PLCE1: variants seen among roughly 807,000 people sequenced by gnomAD.
PLCE1 encodes 1-phosphatidylinositol 4,5-bisphosphate phosphodiesterase epsilon-1.
Under a neutral mutation model 242.8 loss-of-function variants are expected in PLCE1, and 119 were observed. That is an observed-to-expected ratio of 0.49 (90% CI 0.42 to 0.57). The LOEUF (loss-of-function observed/expected upper bound fraction) is 0.57, where lower values mean the gene tolerates loss of function less well. Ranked by LOEUF, PLCE1 falls within the 20% of genes least tolerant of loss-of-function variation. The pLI is 0.00. For synonymous variants in PLCE1, 945 were observed against 1,017.4 expected (o/e 0.93, Z 1.35); for missense variants, 2,441 against 2,788.8 (o/e 0.88, Z 2.81).
At chr10:94,019,318 G>A (rs1224908800) in intron 1 of PLCE1, among the ~76,000 whole-genome samples, 3 of 152,180 alleles carry the variant, frequency 2.0e-5, no homozygotes, top group African/African-American at 7.2e-5. Context: ...GGATTGAAAT[G>A]CAGCCTGTGG....
intron 3 of PLCE1, among the ~76,000 whole-genome samples, chr10:94,133,184 A>C (rs940256739): frequency 3.3e-5 from 5 of 152,182 alleles, no homozygotes; most frequent in African/African-American, 1.2e-4. Flanking sequence ...CTTCATACAT[A>C]GAATTAATAG....
chr10:94,235,736 G>A, intron 6 of PLCE1, 179 bp from the exon 7 acceptor site: 8 of 983,776 alleles, frequency 8.1e-6, no homozygotes, highest in Non-Finnish European at 9.7e-6. Flanking sequence ...AAACAAGGGT[G>A]AGTTTTGATA....
chr10:94,237,151 G>T (rs773823015), intron 7 of PLCE1, among the ~76,000 whole-genome samples: 3 of 152,150 alleles, frequency 2.0e-5, no homozygotes, highest in Admixed American at 6.6e-5. Flanking sequence ...CCTCATACTG[G>T]ATCTGGCTGA....
chr10:94,011,547 T>C (rs1246544564), intron 1 of PLCE1, among the ~76,000 whole-genome samples: 5 of 152,112 alleles, frequency 3.3e-5, no homozygotes, highest in African/African-American at 1.2e-4. Context: ...CTGGAGGCTA[T>C]GGGGAGGAAT....
At position 94,320,325 on chromosome 10, in the gene PLCE1, G is replaced by GA. The variant is rs1482889487; in HGVS notation, c.6343-1570dup. On this transcript the variant is annotated intron_variant, in intron 29 of 32. Coordinates refer to ENST00000371380, the MANE Select transcript of PLCE1 (RefSeq NM_016341.4). ...AATCAAATGGATTTTTTCACTCATTGAAAAAAGTTAAAATAGATTATATAT... is the reference window on the plus strand; with the variant it reads ...AATCAAATGGATTTTTTCACTCATTGAAAAAAAGTTAAAATAGATTATATAT... 2.6e-5 allele frequency among the ~76,000 whole-genome samples: 4 copies of GA among 151,846 alleles called. No homozygotes were observed. In the East Asian group the frequency reaches 7.7e-4, roughly 29 times the overall value.
chr10:94,252,247 G>C, intron 8 of PLCE1, 69 bp from the exon 9 acceptor site: 1 of 1,411,314 alleles, frequency 7.1e-7, no homozygotes, highest in Non-Finnish European at 1.0e-6. Flanking sequence ...TTTTCTGGGA[G>C]ACATTAATAT....
intron 4 of PLCE1, among the ~76,000 whole-genome samples, chr10:94,218,305 C>T (rs531337892): frequency 6.4e-4 from 97 of 152,198 alleles, no homozygotes; most frequent in African/African-American, 2.2e-3. Context: ...AACCAGATGA[C>T]ATCTTAGTGA....
chr10:94,097,167 GA>G (rs1426198092), intron 2 of PLCE1, among the ~76,000 whole-genome samples: 1 of 152,190 alleles, frequency 6.6e-6, no homozygotes, highest in African/African-American at 2.4e-5. Flanking sequence ...CCTATAAATA[GA>G]GGTTTGTTTA....
chr10:94,062,240 T>A (rs2134977496), intron 2 of PLCE1, among the ~76,000 whole-genome samples: 1 of 152,326 alleles, frequency 6.6e-6, no homozygotes, highest in Non-Finnish European at 1.5e-5. Flanking sequence ...ATCTAACTTC[T>A]TAGTCTTTAT....
At chr10:94,283,619 C>A (rs891432203) in intron 20 of PLCE1, 171 bp from the exon 21 acceptor site, 8 of 628,982 alleles carry the variant, frequency 1.3e-5, no homozygotes, top group Middle Eastern at 4.9e-4. Flanking sequence ...CTGCATCAAC[C>A]CAATTTTTAC....
intron 4 of PLCE1, among the ~76,000 whole-genome samples, chr10:94,199,473 T>A (rs1467054479): frequency 6.6e-6 from 1 of 152,262 alleles, no homozygotes; most frequent in Non-Finnish European, 1.5e-5. Flanking sequence ...AAGTGCTTTG[T>A]GAACCATAAA....
At chr10:94,278,135 A>G (rs987134834) in intron 19 of PLCE1, among the ~76,000 whole-genome samples, 8 of 152,224 alleles carry the variant, frequency 5.3e-5, no homozygotes, top group African/African-American at 1.9e-4. Flanking sequence ...TATTCATTAT[A>G]AAGGTAATAT....
At chr10:94,262,872 T>C in intron 14 of PLCE1, 140 bp downstream of exon 14, 1 of 724,444 alleles carries the variant, frequency 1.4e-6, no homozygotes, top group South Asian at 1.5e-5. Context: ...TTTTTTTTTT[T>C]GTTTTTTTGG....
In PLCE1 at chr10:94,089,158, C is replaced by T. The variant is rs762453979; in HGVS notation, c.1207-43016C>T. 9.9e-6 allele frequency: 16 copies of T among 1,613,848 alleles called. No homozygotes were observed. The East Asian group carries it at 2.2e-4, about 22-fold the overall frequency. On this transcript the variant is annotated intron_variant, in intron 2 of 32. Transcript: ENST00000371380. ...AGGAATGGAAGAGGTGAGGCAGCTCCACGTGAGATTCTGCAAAGGGATTAA... is the reference window on the plus strand; with the variant it reads ...AGGAATGGAAGAGGTGAGGCAGCTCTACGTGAGATTCTGCAAAGGGATTAA...
chr10:94,287,672 G>A lies in PLCE1; in HGVS notation c.5035+2707G>A, dbSNP rs79938679. 2.6e-3 allele frequency among the ~76,000 whole-genome samples: 391 copies of A among 151,842 alleles called. 1 individual carries two copies. The highest frequency in any genetic ancestry group is 4.3e-3 in the Non-Finnish European group (293 of 67,934). On this transcript the variant is annotated intron_variant, in intron 22 of 32. Transcript: ENST00000371380. ...TTTTTTCGACCTGCTTTCTCTTAGG[G>A]TTTATTTCTCGGTTGCATTTAGTAC... is the stretch of plus-strand genomic sequence containing the variant.
intron 2 of PLCE1, among the ~76,000 whole-genome samples, chr10:94,101,286 A>G (rs535897880): frequency 6.6e-6 from 1 of 152,338 alleles, no homozygotes; most frequent in African/African-American, 2.4e-5. Flanking sequence ...AAGTCCTTTC[A>G]GTTCCTCAGC....
intron 1 of PLCE1, among the ~76,000 whole-genome samples, chr10:94,004,749 C>T (rs2061001979): frequency 6.6e-6 from 1 of 152,138 alleles, no homozygotes; most frequent in South Asian, 2.1e-4. Flanking sequence ...TGAGTCACTC[C>T]CCTGTGTCAG....
intron 2 of PLCE1, among the ~76,000 whole-genome samples, chr10:94,035,115 TC>T (rs2061638562): frequency 6.6e-6 from 1 of 152,158 alleles, no homozygotes; most frequent in Non-Finnish European, 1.5e-5. Flanking sequence ...GCACAGCATC[TC>T]CCTGCCATGA....
intron 4 of PLCE1, among the ~76,000 whole-genome samples, chr10:94,180,657 G>A (rs1244290248): frequency 6.6e-6 from 1 of 152,188 alleles, no homozygotes; most frequent in East Asian, 1.9e-4. Context: ...GCTATGATTT[G>A]AATGTGTTTA....
Sources: gnomAD v4.1 joint callset for allele counts (sites outside exome capture counted in the v4.1 genomes callset) on GRCh38, gnomAD v4.1.1 for gene constraint, MANE v1.5 for transcripts, NCBI Gene and HGNC (gene_info 2026-07-23, HGNC 2026-07-21) for gene names.